Variants in OTUD4 observed in about 807,000 individuals in gnomAD.
OTUD4 encodes OTU domain-containing protein 4.
In OTUD4, 24 loss-of-function variants were observed where a neutral mutation model predicts 130.4. The ratio of observed to expected loss-of-function variants is 0.18; its 90% CI spans 0.13 to 0.26. The LOEUF (loss-of-function observed/expected upper bound fraction) is 0.26, where lower values mean the gene tolerates loss of function less well. Ranked by LOEUF, OTUD4 falls within the 10% of genes least tolerant of loss-of-function variation. The pLI, the probability that OTUD4 is intolerant of heterozygous loss-of-function variation, is 1.00. For synonymous variants in OTUD4, 420 were observed against 472.5 expected (o/e 0.89, Z 1.44); for missense variants, 1,031 against 1,329.4 (o/e 0.78, Z 3.49).
intron 17 of OTUD4, 92 bp downstream of exon 17, chr4:145,143,273 A>G: frequency 1.4e-6 from 1 of 695,786 alleles, no homozygotes. Context: ...CATTTCCCAT[A>G]CTGATGTTTT....
rs1175593720 is a variant in OTUD4, at chr4:145,179,983, C to T, written c.-10G>A. On this transcript the variant is annotated 5_prime_UTR_variant, in exon 1 of 21. Coordinates refer to ENST00000447906, the MANE Select transcript of OTUD4 (RefSeq NM_001366057.1). ...CGACGGCAGCCTCCATGTTGCTGGT[C>T]CTGCTGCAGGCCAGGCGCGGCGAGG... The T allele has an allele frequency of 3.3e-6, 5 of 1,501,662 alleles. No individual in the cohort carries two copies. The highest frequency in any genetic ancestry group is 3.5e-6 in the Non-Finnish European group (4 of 1,134,266). The allele number at this position is 1,501,662 out of a possible 1,614,324, so 93.0% of individuals were successfully genotyped here. A position where few individuals can be genotyped will look rare whatever the true frequency, so the allele number is the denominator to read the frequency against.
intron 13 of OTUD4, among the ~76,000 whole-genome samples, chr4:145,149,330 C>G (rs892908582): frequency 1.3e-4 from 20 of 152,194 alleles, no homozygotes; most frequent in Admixed American, 1.1e-3. Context: ...TCGGAGACAG[C>G]ATGGCCCTGG....
chr4:145,176,099 T>C (rs554634473), intron 1 of OTUD4, among the ~76,000 whole-genome samples: 94 of 151,564 alleles, frequency 6.2e-4, no homozygotes, highest in African/African-American at 2.2e-3. Context: ...TTTCACCATG[T>C]TGGGCAGGGT....
At position 145,137,887 on chromosome 4, in the gene OTUD4, G is replaced by T; in HGVS notation, c.2888C>A (p.Pro963His). 1 of 1,614,102 alleles carries T rather than the reference G, an allele frequency of 6.2e-7. No homozygotes were observed. The highest frequency in any genetic ancestry group is 1.1e-5 in the South Asian group (1 of 91,082). ...IPPVAEGKAH[P>H]PTQILNRERE... ...CTCTCTGTTTAGAATCTGAGTGGGA[G>T]GATGAGCCTTTCCCTCTGCTACAGG... Residue 963 changes from proline (P) to histidine (H), a missense_variant, in exon 21 of 21, where the codon CCT becomes CAT. Coordinates refer to ENST00000447906, the MANE Select transcript of OTUD4 (RefSeq NM_001366057.1).
chr4:145,147,237 TATG>T (rs1403370546), intron 13 of OTUD4, among the ~76,000 whole-genome samples: 3 of 152,204 alleles, frequency 2.0e-5, no homozygotes, highest in Non-Finnish European at 2.9e-5. Flanking sequence ...AGTAGAGCAC[TATG>T]ATGTTATCTG....
Position 145,134,408 on chromosome 4 carries a change from T to C in OTUD4, c.*3022A>G, listed in dbSNP as rs1750140285. The C allele has an allele frequency of 3.3e-6, 1 of 300,426 alleles. No homozygotes were observed. Among genetic ancestry groups the C allele is most frequent in the Non-Finnish European group, 6.1e-6 (1 of 164,348 alleles). 18.6% of individuals were successfully genotyped at this position (300,426 alleles called of 1,614,324 possible). A position where few individuals can be genotyped will look rare whatever the true frequency, so the allele number is the denominator to read the frequency against. On this transcript the variant is annotated 3_prime_UTR_variant, in exon 21 of 21. Transcript: ENST00000447906. ...GAAGGTAAAACGAAAGAGGCAAAAA[T>C]AAATATTGCTAGTTTCTAGGATGGC...
At position 145,174,779 on chromosome 4, in the gene OTUD4, A is replaced by C. The variant is rs1297586373; in HGVS notation, c.160-35T>G. On this transcript the variant is annotated intron_variant, in intron 1 of 20. Coordinates refer to ENST00000447906, the MANE Select transcript of OTUD4 (RefSeq NM_001366057.1). ...AAAGGCAACAAACACACTATTAAGC[A>C]TTTAGTTAAAAGTTACAACCTAATG... 8 of 1,244,294 alleles carry C rather than the reference A, an allele frequency of 6.4e-6. No homozygotes were observed. In the East Asian group the frequency reaches 9.3e-5, roughly 14 times the overall value. 77.1% of individuals were successfully genotyped at this position (1,244,294 alleles called of 1,614,324 possible). A position where few individuals can be genotyped will look rare whatever the true frequency, so the allele number is the denominator to read the frequency against.
chr4:145,157,336 A>G (rs939449501), intron 7 of OTUD4, among the ~76,000 whole-genome samples: 7 of 152,192 alleles, frequency 4.6e-5, no homozygotes, highest in Non-Finnish European at 8.8e-5. Flanking sequence ...GAGATAATTG[A>G]ATCATGTGGG....
chr4:145,156,049 T>C (rs1751273824), intron 7 of OTUD4, 53 bp from the exon 8 acceptor site: 1 of 1,421,380 alleles, frequency 7.0e-7, no homozygotes, highest in African/African-American at 1.4e-5. Flanking sequence ...TGCACGTAAT[T>C]ACCTTCTAAC....
chr4:145,169,621 A>C (rs1367368200), intron 3 of OTUD4, among the ~76,000 whole-genome samples: 1 of 152,134 alleles, frequency 6.6e-6, no homozygotes, highest in Non-Finnish European at 1.5e-5. Context: ...AATAGCTGGG[A>C]CTACAGGTGC....
At chr4:145,146,185 C>G (rs1314865830) in intron 14 of OTUD4, 82 bp downstream of exon 14, 18 of 857,342 alleles carry the variant, frequency 2.1e-5, no homozygotes, top group Non-Finnish European at 3.0e-5. Flanking sequence ...TTAGTTTACC[C>G]TTGGGAACTA....
intron 10 of OTUD4, among the ~76,000 whole-genome samples, chr4:145,154,289 G>C (rs1751184953): frequency 6.6e-6 from 1 of 152,176 alleles, no homozygotes; most frequent in African/African-American, 2.4e-5. Context: ...CCATAAGGCA[G>C]TACCTGAATG....
At chr4:145,169,233 C>G (rs1752032012) in intron 3 of OTUD4, among the ~76,000 whole-genome samples, 1 of 152,202 alleles carries the variant, frequency 6.6e-6, no homozygotes, top group Non-Finnish European at 1.5e-5. Context: ...AGCATATACA[C>G]TTGTCAAATC....
At chr4:145,149,462 T>C (rs1165505843) in intron 13 of OTUD4, 1 of 152,256 alleles carries the variant, frequency 6.6e-6, no homozygotes, top group Non-Finnish European at 1.5e-5. Context: ...ATAGTATTGA[T>C]AAATGTCAGC....
intron 2 of OTUD4, among the ~76,000 whole-genome samples, chr4:145,173,194 A>G (rs751086862): frequency 2.6e-5 from 4 of 152,182 alleles, no homozygotes; most frequent in African/African-American, 7.2e-5. Context: ...GATCGAGACC[A>G]TCCTAGCTAA....
intron 1 of OTUD4, chr4:145,179,463 AGGG>A: frequency 9.9e-6 from 3 of 302,174 alleles, no homozygotes; most frequent in Admixed American, 5.9e-5. Flanking sequence ...TCTCAAACGA[AGGG>A]AAGGAAGGTG....
chr4:145,172,557 TAA>T (rs1752228549), intron 2 of OTUD4, among the ~76,000 whole-genome samples: 1 of 152,220 alleles, frequency 6.6e-6, no homozygotes, highest in Admixed American at 6.5e-5. Flanking sequence ...GAGAAATCTC[TAA>T]AAGTCATTTG....
rs143080279 is a variant in OTUD4 at position 145,138,415 on chromosome 4, G to A, written c.2360C>T (p.Pro787Leu). The A allele has an allele frequency of 2.7e-4, 436 of 1,614,126 alleles. 3 individuals are homozygous for A. The Middle Eastern group carries it at 5.4e-3, about 20-fold the overall frequency. The change falls in exon 21 of 21, where the codon CCG becomes CTG. Residue 787 changes from proline (P) to leucine (L), a missense_variant. By Grantham distance (98) the Pro-to-Leu change is moderately conservative (BLOSUM62 -3). Transcript: ENST00000447906. ...NGQMPQPEIG[P>L]PTFSSPLVIP... Reference sequence around the variant, plus strand: ...AACCAGAGGTGAAGAAAATGTCGGCGGTCCAATCTCTGGCTGTGGCATTTG... The same window carrying A: ...AACCAGAGGTGAAGAAAATGTCGGCAGTCCAATCTCTGGCTGTGGCATTTG...
At position 145,144,470 on chromosome 4, in the gene OTUD4, A is replaced by G. The variant is rs766408770; in HGVS notation, c.1423-36T>C. On this transcript the variant is annotated intron_variant, in intron 14 of 20. Transcript: ENST00000447906. Reference sequence around the variant, plus strand: ...AACAAAACCCAACATTTTGTGTTAAAGATTTACCCACAGATACATGAACAA... The same window carrying G: ...AACAAAACCCAACATTTTGTGTTAAGGATTTACCCACAGATACATGAACAA... 4.4e-6 allele frequency: 7 copies of G among 1,592,868 alleles called. No homozygotes were observed. The Admixed American group carries it at 1.2e-4, about 28-fold the overall frequency.
Sources: allele counts gnomAD v4.1 joint callset (sites outside exome capture counted in the v4.1 genomes callset), GRCh38; gene constraint gnomAD v4.1.1; transcripts MANE v1.5; gene names NCBI Gene and HGNC (gene_info 2026-07-23, HGNC 2026-07-21).